IKBKB-DT: variants seen among roughly 807,000 people sequenced by gnomAD.
IKBKB-DT encodes IKBKB antisense RNA.
intron 3 of IKBKB-DT, among the ~76,000 whole-genome samples, chr8:42,246,961 A>C (rs1472835532): frequency 6.6e-6 from 1 of 152,192 alleles, no homozygotes; most frequent in Non-Finnish European, 1.5e-5. Flanking sequence ...CATAGTTCAC[A>C]ACAGGGTTCC....
At chr8:42,236,045 A>C (rs904017345) in intron 3 of IKBKB-DT, among the ~76,000 whole-genome samples, 1 of 152,206 alleles carries the variant, frequency 6.6e-6, no homozygotes, top group Admixed American at 6.5e-5. Flanking sequence ...ACAACAACAA[A>C]AAACAAAAAA....
intron 3 of IKBKB-DT, among the ~76,000 whole-genome samples, chr8:42,240,940 A>G (rs2129905069): frequency 6.6e-6 from 1 of 152,010 alleles, no homozygotes; most frequent in Middle Eastern, 3.4e-3. Flanking sequence ...GCGCCATTGC[A>G]CTCCAGCCTG....
chr8:42,265,697 A>G (rs959069678), exon 2 of IKBKB-DT: 2 of 152,190 alleles, frequency 1.3e-5, no homozygotes, highest in Non-Finnish European at 2.9e-5. Context: ...CCCTTTCATG[A>G]CTTCTTCCTC....
chr8:42,270,315 G>C (rs905229711), intron 1 of IKBKB-DT: 2 of 152,090 alleles, frequency 1.3e-5, no homozygotes, highest in African/African-American at 4.8e-5. Flanking sequence ...GCAACACAGT[G>C]AGTGAGACCC....
chr8:42,251,828 C>CAA lies in IKBKB-DT; in HGVS notation n.1529+11499_1529+11500dup, dbSNP rs59420104. 4.8e-3 allele frequency among the ~76,000 whole-genome samples: 435 copies of CAA among 91,440 alleles called. 14 individuals are homozygous for CAA. The highest frequency in any genetic ancestry group is 0.015 in the African/African-American group (378 of 25,776). 60.0% of individuals were successfully genotyped at this position (91,440 alleles called of 152,430 possible). A position where few individuals can be genotyped will look rare whatever the true frequency, so the allele number is the denominator to read the frequency against. On this transcript the variant is annotated intron_variant and non_coding_transcript_variant, in intron 3 of 3. Transcript: ENST00000518213. ...TAGGCAATAGAGCAAGACTCCATCT[C>CAA]AAAAAAAAAAAAAAAGAAAAGAAAA...
At chr8:42,244,125 G>A (rs183409573) in intron 3 of IKBKB-DT, among the ~76,000 whole-genome samples, 11 of 152,278 alleles carry the variant, frequency 7.2e-5, no homozygotes, top group Non-Finnish European at 1.5e-4. Context: ...TTCACAAAAT[G>A]TATTCCTTAT....
chr8:42,245,050 C>A (rs1050593642), intron 3 of IKBKB-DT, among the ~76,000 whole-genome samples: 7 of 151,920 alleles, frequency 4.6e-5, no homozygotes, highest in South Asian at 2.1e-4. Flanking sequence ...GAGATTGAGA[C>A]CATCCTGGTC....
At chr8:42,260,668 CA>C (rs771731696) in intron 3 of IKBKB-DT, among the ~76,000 whole-genome samples, 3,147 of 44,964 alleles carry the variant, frequency 0.07, 27 homozygotes, top group African/African-American at 0.13. Flanking sequence ...GACTCTGTCT[CA>C]AAAAAAAAAA....
intron 3 of IKBKB-DT, among the ~76,000 whole-genome samples, chr8:42,259,914 G>A (rs1046985048): frequency 6.0e-5 from 9 of 151,202 alleles, no homozygotes; most frequent in Admixed American, 4.0e-4. Flanking sequence ...CCCCAGAGGC[G>A]GAGGTTGCAG....
At chr8:42,250,341 CA>C (rs920007236) in intron 3 of IKBKB-DT, among the ~76,000 whole-genome samples, 3 of 152,122 alleles carry the variant, frequency 2.0e-5, no homozygotes, top group Non-Finnish European at 4.4e-5. Flanking sequence ...AAAGACATCT[CA>C]AAAGGCCAAT....
At chr8:42,266,707 A>G (rs1161577980) in intron 1 of IKBKB-DT, among the ~76,000 whole-genome samples, 1 of 152,186 alleles carries the variant, frequency 6.6e-6, no homozygotes, top group Non-Finnish European at 1.5e-5. Context: ...CAGATAAAAC[A>G]GGTTTCGGTA....
chr8:42,256,888 T>C (rs535581797), intron 3 of IKBKB-DT, among the ~76,000 whole-genome samples: 2 of 152,306 alleles, frequency 1.3e-5, no homozygotes, highest in Admixed American at 6.5e-5. Flanking sequence ...GTTCATATTA[T>C]AGTTGTTTGC....
chr8:42,259,802 C>T (rs1423026358), intron 3 of IKBKB-DT, among the ~76,000 whole-genome samples: 1 of 151,856 alleles, frequency 6.6e-6, no homozygotes, highest in Non-Finnish European at 1.5e-5. Context: ...AACAACATGG[C>T]AAAACCCTGT....
chr8:42,263,956 C>T (rs1807329715), intron 2 of IKBKB-DT, among the ~76,000 whole-genome samples: 1 of 152,152 alleles, frequency 6.6e-6, no homozygotes, highest in South Asian at 2.1e-4. Flanking sequence ...GGATTACAGG[C>T]GCCCACCACT....
intron 3 of IKBKB-DT, among the ~76,000 whole-genome samples, chr8:42,262,774 C>T (rs890369565): frequency 6.8e-6 from 1 of 146,700 alleles, no homozygotes; most frequent in Non-Finnish European, 1.5e-5. Context: ...GTCTCATGCT[C>T]ATTGCCCAGG....
At chr8:42,238,122 G>T (rs1300994502) in intron 3 of IKBKB-DT, among the ~76,000 whole-genome samples, 1 of 151,518 alleles carries the variant, frequency 6.6e-6, no homozygotes, top group African/African-American at 2.4e-5. Context: ...AACAAATGGG[G>T]AGCAGTAACT....
chr8:42,265,992 A>T (rs1203783152), exon 2 of IKBKB-DT: 1 of 152,272 alleles, frequency 6.6e-6, no homozygotes, highest in East Asian at 1.9e-4. Flanking sequence ...GTCTGCGGCA[A>T]GGTTCATTCT....
chr8:42,249,425 G>A (rs922787232), intron 3 of IKBKB-DT: 71 of 148,580 alleles, frequency 4.8e-4, no homozygotes, highest in African/African-American at 1.5e-3. Flanking sequence ...ATATGTGTGT[G>A]TGTGTGTGTG....
At chr8:42,246,374 A>G (rs56126744) in intron 3 of IKBKB-DT, among the ~76,000 whole-genome samples, 12,027 of 152,262 alleles carry the variant, frequency 0.079, 1,212 homozygotes, top group African/African-American at 0.23. Flanking sequence ...AAATTGCAGA[A>G]AAGTTTATCT....
Sources: allele counts gnomAD v4.1 joint callset (sites outside exome capture counted in the v4.1 genomes callset), GRCh38; gene constraint gnomAD v4.1.1; transcripts MANE v1.5; gene names NCBI Gene and HGNC (gene_info 2026-07-23, HGNC 2026-07-21).